The following SASH3 variants were observed in gnomAD, a reference collection of about 807,000 sequenced individuals.
SASH3 encodes the protein SAM and SH3 domain-containing protein 3.
A neutral mutation model predicts 26.1 loss-of-function variants in SASH3; 7 were observed. The ratio of observed to expected loss-of-function variants is 0.27; its 90% CI spans 0.15 to 0.50. The LOEUF (loss-of-function observed/expected upper bound fraction) is 0.50. SASH3 is among the 20% of genes least tolerant of loss of function. The probability of loss-of-function intolerance (pLI) is 0.98; values close to 1 mark genes in which losing one functional copy is unlikely to be tolerated. For synonymous variants in SASH3, 138 were observed against 136.8 expected (o/e 1.01, Z -0.06); for missense variants, 231 against 318.3 (o/e 0.73, Z 2.09).
At chrX:129,782,002 C>T (rs770125936) in intron 1 of SASH3, among the ~76,000 whole-genome samples, 5 of 112,649 alleles carry the variant, frequency 4.4e-5, no homozygotes, top group South Asian at 3.6e-4. Flanking sequence ...GCTGAGATGA[C>T]GTGGTGGAGA....
At chrX:129,788,716 G>A (rs780774140) in intron 3 of SASH3, 139 bp downstream of exon 3, 2 of 631,753 alleles carry the variant, frequency 3.2e-6, no homozygotes, top group South Asian at 3.3e-5. Context: ...TCACATGGGA[G>A]GGGAAACTCA....
intron 3 of SASH3, among the ~76,000 whole-genome samples, 168 bp downstream of exon 3, chrX:129,788,745 C>T (rs1482294482): frequency 9.0e-6 from 1 of 111,626 alleles, no homozygotes; most frequent in African/African-American, 3.3e-5. Context: ...CACGGACAGG[C>T]AGCCAGGCAA....
In SASH3 at chrX:129,788,459, C is replaced by A; in HGVS notation, c.182C>A (p.Thr61Asn). Residue 61 changes from threonine to asparagine, a missense_variant, in exon 3 of 8, where the codon ACC (threonine) becomes AAC (asparagine). By Grantham distance (65) the Thr-to-Asn change is moderately conservative. Coordinates refer to ENST00000356892, the MANE Select transcript of SASH3 (RefSeq NM_018990.4). ...CCAGAAGATGACTCAGGTGTCCCCA[C>A]CCCAGAAGATGCTGGGAAGAGTGGC... ...NIPEDDSGVP[T>N]PEDAGKSGKK... The A allele has an allele frequency of 2.5e-6, 3 of 1,211,030 alleles. No homozygotes were observed. Among genetic ancestry groups the A allele is most frequent in the Non-Finnish European group, 3.4e-6 (3 of 894,881 alleles).
Position 129,780,274 on chromosome X carries a change from A to G in SASH3, c.57+120A>G, listed in dbSNP as rs762043105. Reference sequence around the variant, plus strand: ...TATGTTGAGTCTGTAGGTGAGGGCCACTCACCTAGAAGGCAACGGGACAGG... The same window carrying G: ...TATGTTGAGTCTGTAGGTGAGGGCCGCTCACCTAGAAGGCAACGGGACAGG... On this transcript the variant is annotated intron_variant, in intron 1 of 7. Coordinates refer to ENST00000356892, the MANE Select transcript of SASH3 (RefSeq NM_018990.4). The G allele has an allele frequency of 1.1e-3, 681 of 614,504 alleles. 2 individuals carry two copies. Among genetic ancestry groups the G allele is most frequent in the Non-Finnish European group, 1.1e-3 (440 of 386,809 alleles). 50.6% of individuals were successfully genotyped at this position (614,504 alleles called of 1,213,427 possible).
chrX:129,786,160 C>A (rs778937468), intron 1 of SASH3, among the ~76,000 whole-genome samples: 3 of 110,711 alleles, frequency 2.7e-5, no homozygotes, highest in Non-Finnish European at 5.7e-5. Flanking sequence ...CTGACAGAGG[C>A]TGCAGGCACC....
chrX:129,793,716 G>A lies in SASH3; in HGVS notation c.1027G>A (p.Val343Met), dbSNP rs1332251707. The A allele has an allele frequency of 3.3e-6, 4 of 1,212,218 alleles. No individual in the cohort carries two copies. The highest frequency in any genetic ancestry group is 4.5e-6 in the Non-Finnish European group (4 of 895,540). The change falls in exon 8 of 8, where the codon GTG (valine) becomes ATG (methionine). Residue 343 changes from valine (V) to methionine (M), a missense_variant. By Grantham distance (21) the Val-to-Met change is conservative (BLOSUM62 1). Transcript: ENST00000356892. ...PVAHTVSEPK[V>M]DIPRDSGCFE... ...GGCACACACAGTGTCGGAACCCAAG[G>A]TGGACATCCCGCGCGACTCAGGCTG...
intron 3 of SASH3, among the ~76,000 whole-genome samples, chrX:129,790,314 T>C (rs779372732): frequency 2.0e-3 from 216 of 110,302 alleles, no homozygotes; most frequent in African/African-American, 6.9e-3. Flanking sequence ...AACACAGGAA[T>C]TGGCAACTCA....
At chrX:129,787,829 G>C in intron 1 of SASH3, 146 bp from the exon 2 acceptor site, 2 of 476,368 alleles carry the variant, frequency 4.2e-6, no homozygotes, top group Non-Finnish European at 3.7e-6. Flanking sequence ...GAACATCGAG[G>C]TGCGTCACCC....
rs760141838 is a variant in SASH3 at position 129,793,630 on chromosome X, C to T, written c.953-12C>T. 91 of 1,207,349 alleles carry T rather than the reference C, an allele frequency of 7.5e-5. No homozygotes were observed. Among genetic ancestry groups the T allele is most frequent in the South Asian group, 8.8e-5 (5 of 56,546 alleles). On this transcript the variant is annotated splice_polypyrimidine_tract_variant and intron_variant, in intron 7 of 7. Coordinates refer to ENST00000356892, the MANE Select transcript of SASH3 (RefSeq NM_018990.4). ...ACCCCCATATTCTGTCTCCCTCTCT[C>T]GTCCCTGGCAGCTGGCAGTGAGGAG...
At chrX:129,790,228 T>C (rs1303584132) in intron 3 of SASH3, among the ~76,000 whole-genome samples, 1 of 111,707 alleles carries the variant, frequency 9.0e-6, no homozygotes, top group Non-Finnish European at 1.9e-5. Context: ...GGCAATAGCC[T>C]CACCCTCATT....
chrX:129,791,481 G>A (rs904331916), intron 4 of SASH3, among the ~76,000 whole-genome samples: 7 of 112,227 alleles, frequency 6.2e-5, no homozygotes, highest in African/African-American at 1.9e-4. Context: ...AGATCCCTGG[G>A]CCTCTGATGC....
chrX:129,794,477 C>T lies in SASH3; in HGVS notation c.*645C>T, dbSNP rs1173729843. ...GGGTTGGGGTTAGAAAGGGTGATCA[C>T]TGAAGGCCTTGCCTGCTCTGACATT... On this transcript the variant is annotated 3_prime_UTR_variant, in exon 8 of 8. Transcript: ENST00000356892. 2 of 111,686 alleles carry T rather than the reference C, an allele frequency of 1.8e-5. No individual in the cohort carries two copies. Among genetic ancestry groups the T allele is most frequent in the Non-Finnish European group, 3.8e-5 (2 of 53,200 alleles). 9.2% of individuals were successfully genotyped at this position (111,686 alleles called of 1,213,427 possible).
At chrX:129,784,095 C>A (rs964105870) in intron 1 of SASH3, among the ~76,000 whole-genome samples, 6 of 108,316 alleles carry the variant, frequency 5.5e-5, no homozygotes, top group Non-Finnish European at 1.1e-4. Flanking sequence ...TTACTACACC[C>A]CCCCCTTCCC....
At position 129,793,633 on chromosome X, in the gene SASH3, C is replaced by A. The variant is rs753109230; in HGVS notation, c.953-9C>A. ...CCCATATTCTGTCTCCCTCTCTCGTCCCTGGCAGCTGGCAGTGAGGAGGCT... is the reference window on the plus strand; with the variant it reads ...CCCATATTCTGTCTCCCTCTCTCGTACCTGGCAGCTGGCAGTGAGGAGGCT... On this transcript the variant is annotated splice_polypyrimidine_tract_variant and intron_variant, in intron 7 of 7. Transcript: ENST00000356892. 8.3e-7 allele frequency: 1 copy of A among 1,209,441 alleles called. No individual in the cohort carries two copies. The highest frequency in any genetic ancestry group is 1.1e-6 in the Non-Finnish European group (1 of 893,559).
At chrX:129,793,228 A>T in intron 7 of SASH3, 89 bp downstream of exon 7, 2 of 1,029,539 alleles carry the variant, frequency 1.9e-6, no homozygotes, top group Non-Finnish European at 2.7e-6. Context: ...CCTTCTGTCC[A>T]CGCTCTGCCC....
chrX:129,784,851 ATAAT>A (rs978329286), intron 1 of SASH3, among the ~76,000 whole-genome samples: 1 of 110,531 alleles, frequency 9.0e-6, no homozygotes, highest in Admixed American at 9.6e-5. Flanking sequence ...GCTTTGAACT[ATAAT>A]TATACAGGGG....
intron 7 of SASH3, 98 bp from the exon 8 acceptor site, chrX:129,793,544 C>T (rs761473141): frequency 8.4e-5 from 75 of 892,157 alleles, no homozygotes; most frequent in Non-Finnish European, 1.0e-4. Flanking sequence ...AGGGGCAGGG[C>T]GGTGGCAGGT....
intron 2 of SASH3, 64 bp downstream of exon 2, chrX:129,788,134 AGGG>A: frequency 3.7e-6 from 1 of 267,021 alleles, no homozygotes. Flanking sequence ...TGGGGGTGGG[AGGG>A]AAGAGGGTGA....
intron 1 of SASH3, among the ~76,000 whole-genome samples, chrX:129,785,325 G>A (rs1259375019): frequency 1.8e-5 from 2 of 111,344 alleles, no homozygotes; most frequent in African/African-American, 6.5e-5. Flanking sequence ...TCTGAAAGGC[G>A]GTCAAGATAC....
Sources: allele counts gnomAD v4.1 joint callset (sites outside exome capture counted in the v4.1 genomes callset), GRCh38; gene constraint gnomAD v4.1.1; transcripts MANE v1.5; gene names NCBI Gene and HGNC (gene_info 2026-07-23, HGNC 2026-07-21).